Variants in MGMT observed in about 807,000 individuals in gnomAD.
The protein encoded by MGMT is methylated-DNA--protein-cysteine methyltransferase.
MGMT carries 14 observed loss-of-function variants against 15.9 expected under a neutral mutation model. The observed-to-expected ratio is 0.88, with a 90% CI of 0.58 to 1.37. The LOEUF (loss-of-function observed/expected upper bound fraction) is 1.37, where lower values mean the gene tolerates loss of function less well. MGMT is among the 40% of genes most tolerant of loss of function. MGMT has a pLI of 0.00. For synonymous variants in MGMT, 130 were observed against 118.2 expected, an observed-to-expected ratio of 1.10 and a Z score of -0.65; for missense variants, 282 against 268.1, an observed-to-expected ratio of 1.05 and a Z score of -0.36.
At chr10:129,517,937 G>C (rs1321390343) in intron 1 of MGMT, among the ~76,000 whole-genome samples, 1 of 152,218 alleles carries the variant, frequency 6.6e-6, no homozygotes, top group Non-Finnish European at 1.5e-5. Flanking sequence ...GTCACCCGCA[G>C]TGAGAATATG....
At chr10:129,623,560 GT>G (rs952682792) in intron 2 of MGMT, among the ~76,000 whole-genome samples, 1 of 152,086 alleles carries the variant, frequency 6.6e-6, no homozygotes. Context: ...TATAACTTTA[GT>G]TATAGAGTCT....
intron 2 of MGMT, among the ~76,000 whole-genome samples, chr10:129,680,445 G>A (rs964867724): frequency 4.0e-5 from 6 of 151,790 alleles, no homozygotes; most frequent in Non-Finnish European, 7.4e-5. Flanking sequence ...TTGGTTACCC[G>A]CCAGCACTGA....
chr10:129,577,848 C>CA (rs1220396035), intron 2 of MGMT, among the ~76,000 whole-genome samples: 1 of 152,080 alleles, frequency 6.6e-6, no homozygotes, highest in East Asian at 1.9e-4. Context: ...AAGAAAAAAA[C>CA]AACCCCATCA....
chr10:129,692,195 A>G (rs1847976726), intron 2 of MGMT, among the ~76,000 whole-genome samples: 1 of 152,200 alleles, frequency 6.6e-6, no homozygotes. Context: ...GAGTTGAATT[A>G]GGGTTTGAAG....
intron 1 of MGMT, among the ~76,000 whole-genome samples, chr10:129,523,580 G>A (rs1237907007): frequency 1.3e-5 from 2 of 152,198 alleles, no homozygotes. Flanking sequence ...GACGGGTACA[G>A]CTCCCTGGTT....
chr10:129,532,074 T>G lies in MGMT; in HGVS notation c.-12-4167T>G, dbSNP rs539564881. Among the ~76,000 whole-genome samples the G allele has an allele frequency of 1.3e-5, 2 of 152,350 alleles. No individual in the cohort carries two copies. The highest frequency in any genetic ancestry group is 2.4e-5 in the African/African-American group (1 of 41,584). On this transcript the variant is annotated intron_variant, in intron 1 of 4. Coordinates refer to ENST00000651593, the MANE Select transcript of MGMT (RefSeq NM_002412.5). The surrounding 1 kb of genome is among the most constrained non-coding windows in gnomAD (Gnocchi z 5.3). ...ATGGAGCTCACCTGGTCCCCCCAGC[T>G]CCCTGCTTTGTGATTGATTCAGTGT...
At chr10:129,484,314 T>G (rs1159802010) in intron 1 of MGMT, among the ~76,000 whole-genome samples, 1 of 152,234 alleles carries the variant, frequency 6.6e-6, no homozygotes, top group East Asian at 1.9e-4. Context: ...TCAGTCTTTT[T>G]GTGTTTCTGT....
At chr10:129,608,874 G>A (rs758478961) in intron 2 of MGMT, among the ~76,000 whole-genome samples, 7 of 152,372 alleles carry the variant, frequency 4.6e-5, no homozygotes, top group South Asian at 2.1e-4. Context: ...GCTGAATGCG[G>A]AGTGTGGTGA....
At chr10:129,725,050 A>G (rs1468149717) in intron 3 of MGMT, among the ~76,000 whole-genome samples, 3 of 152,226 alleles carry the variant, frequency 2.0e-5, no homozygotes, top group East Asian at 1.9e-4. Context: ...GGGTGGATAC[A>G]CTGACCTGAT....
chr10:129,591,480 C>T (rs1846685007), intron 2 of MGMT, among the ~76,000 whole-genome samples: 1 of 152,176 alleles, frequency 6.6e-6, no homozygotes, highest in Non-Finnish European at 1.5e-5. Flanking sequence ...GTCAGAGATG[C>T]CTCTGTAACA....
At chr10:129,516,549 A>G (rs1845740202) in intron 1 of MGMT, among the ~76,000 whole-genome samples, 1 of 152,252 alleles carries the variant, frequency 6.6e-6, no homozygotes, top group African/African-American at 2.4e-5. Context: ...CTATAGAAGC[A>G]GAATCAAAAC....
At chr10:129,506,325 C>T (rs547247917) in intron 1 of MGMT, among the ~76,000 whole-genome samples, 11 of 152,272 alleles carry the variant, frequency 7.2e-5, no homozygotes, top group South Asian at 4.2e-4. Context: ...TGCCTACCCT[C>T]GGTTCATCCA....
Position 129,468,503 on chromosome 10 carries a change from G to A in MGMT, c.-13+1207G>A, listed in dbSNP as rs77295827. Among the ~76,000 whole-genome samples the A allele has an allele frequency of 2.9e-3, 448 of 152,092 alleles. 1 individual carries two copies. The highest frequency in any genetic ancestry group is 0.01 in the African/African-American group (429 of 41,470). ...GTTGGAATTTGAATAGTGGAGTAGT[G>A]TCTGCCACAGTCAGGGGCCTGGATG... On this transcript the variant is annotated intron_variant, in intron 1 of 4. Coordinates refer to ENST00000651593, the MANE Select transcript of MGMT (RefSeq NM_002412.5).
intron 2 of MGMT, among the ~76,000 whole-genome samples, chr10:129,665,292 T>A (rs1290741150): frequency 7.6e-6 from 1 of 130,740 alleles, no homozygotes; most frequent in African/African-American, 2.7e-5. Flanking sequence ...CTCCCAACTC[T>A]CTCTCTCCCA....
chr10:129,747,569 A>G (rs548768072), intron 3 of MGMT, among the ~76,000 whole-genome samples: 4 of 152,192 alleles, frequency 2.6e-5, no homozygotes, highest in African/African-American at 4.8e-5. Flanking sequence ...CTGCACACCT[A>G]TTTTCCCAAA....
At chr10:129,612,791 C>A (rs117513812) in intron 2 of MGMT, among the ~76,000 whole-genome samples, 1 of 152,182 alleles carries the variant, frequency 6.6e-6, no homozygotes, top group Non-Finnish European at 1.5e-5. Flanking sequence ...GTCTTCGTTT[C>A]GGCATCTCTG....
At position 129,675,845 on chromosome 10, in the gene MGMT, G is replaced by A. The variant is rs570798049; in HGVS notation, c.126-32050G>A. On this transcript the variant is annotated intron_variant, in intron 2 of 4. Transcript: ENST00000651593. ...AACCATCGGGAAAAAGGGTGCCAGA[G>A]CCCATTTCCCTGTGGCAGCCACCAC... Among the ~76,000 whole-genome samples the A allele has an allele frequency of 5.3e-5, 8 of 152,278 alleles. No individual in the cohort carries two copies. The East Asian group carries it at 7.7e-4, about 15-fold the overall frequency.
At chr10:129,561,488 A>G (rs1330585102) in intron 2 of MGMT, among the ~76,000 whole-genome samples, 1 of 152,186 alleles carries the variant, frequency 6.6e-6, no homozygotes, top group Non-Finnish European at 1.5e-5. Flanking sequence ...AGGTGTGGAA[A>G]TAGAAGCTCA....
chr10:129,519,501 G>A (rs145855313), intron 1 of MGMT, among the ~76,000 whole-genome samples: 6 of 152,288 alleles, frequency 3.9e-5, no homozygotes, highest in Non-Finnish European at 7.3e-5. Context: ...GTGGCCTTGC[G>A]GTGAGATGGA....
Sources: gnomAD v4.1 joint callset for allele counts (sites outside exome capture counted in the v4.1 genomes callset) on GRCh38, gnomAD v4.1.1 for gene constraint, Gnocchi (gnomAD v3.1) non-coding constraint, MANE v1.5 for transcripts, NCBI Gene and HGNC (gene_info 2026-07-23, HGNC 2026-07-21) for gene names.